Variants in THSD7A observed in about 807,000 individuals in gnomAD.
THSD7A encodes thrombospondin type 1 domain containing 7A.
In THSD7A, 96 loss-of-function variants were observed where a neutral mutation model predicts 231.3. The observed-to-expected ratio is 0.41, with a 90% CI of 0.35 to 0.49. The LOEUF (loss-of-function observed/expected upper bound fraction) is 0.49. Ranked by LOEUF, THSD7A falls within the 20% of genes least tolerant of loss-of-function variation. The pLI, the probability that THSD7A is intolerant of heterozygous loss-of-function variation, is 0.05. For missense variants in THSD7A, 2,290 were observed against 2,070.2 expected, an observed-to-expected ratio of 1.11 and a Z score of -2.06; for synonymous variants, 940 against 743.3, an observed-to-expected ratio of 1.26 and a Z score of -4.30.
At chr7:11,600,552 A>C (rs1780514858) in intron 2 of THSD7A, among the ~76,000 whole-genome samples, 1 of 152,190 alleles carries the variant, frequency 6.6e-6, no homozygotes. Flanking sequence ...TTGGTGGTAC[A>C]TATACTTTGA....
In THSD7A at chr7:11,832,183, C is replaced by T; in HGVS notation, c.-237G>A. ...TCTGGCGGGGATGCTGCTGCCGCTG[C>T]CATTCCTCGCAGAATGGCAGGTCCC... On this transcript the variant is annotated 5_prime_UTR_variant, in exon 1 of 28. Coordinates refer to ENST00000423059, the MANE Select transcript of THSD7A (RefSeq NM_015204.3). 3.3e-6 allele frequency: 1 copy of T among 304,564 alleles called. No homozygotes were observed. The highest frequency in any genetic ancestry group is 5.9e-6 in the Non-Finnish European group (1 of 168,190). The allele number at this position is 304,564 out of a possible 1,614,324, so 18.9% of individuals were successfully genotyped here.
chr7:11,752,809 C>T (rs1782544786), intron 1 of THSD7A, among the ~76,000 whole-genome samples: 1 of 151,818 alleles, frequency 6.6e-6, no homozygotes, highest in African/African-American at 2.4e-5. Context: ...GCCTGTAGTC[C>T]CAGCTACTCA....
intron 1 of THSD7A, among the ~76,000 whole-genome samples, chr7:11,742,553 T>G (rs1209013922): frequency 6.6e-6 from 1 of 151,928 alleles, no homozygotes; most frequent in South Asian, 2.1e-4. Flanking sequence ...GTCTAATTGA[T>G]GAAGTGCTCA....
At chr7:11,744,599 C>G (rs573657272) in intron 1 of THSD7A, among the ~76,000 whole-genome samples, 1 of 117,892 alleles carries the variant, frequency 8.5e-6, no homozygotes, top group African/African-American at 3.2e-5. Flanking sequence ...CCCCTCCCCC[C>G]ACCCCACAAC....
chr7:11,428,508 A>G (rs186825069), intron 14 of THSD7A, among the ~76,000 whole-genome samples: 3 of 152,290 alleles, frequency 2.0e-5, no homozygotes, highest in East Asian at 3.9e-4. Flanking sequence ...ACATTTAAAT[A>G]AACAGTATAT....
chr7:11,572,678 A>T (rs1356086980), intron 4 of THSD7A, among the ~76,000 whole-genome samples: 2 of 146,990 alleles, frequency 1.4e-5, no homozygotes, highest in East Asian at 2.0e-4. Flanking sequence ...CAGCAAATTA[A>T]TTTTTTTTTT....
intron 4 of THSD7A, among the ~76,000 whole-genome samples, chr7:11,569,153 A>C (rs1790514465): frequency 6.6e-6 from 1 of 152,206 alleles, no homozygotes; most frequent in African/African-American, 2.4e-5. Context: ...TTAAGACTTC[A>C]AAAGCACAGG....
At chr7:11,454,476 C>T (rs970041568) in intron 11 of THSD7A, among the ~76,000 whole-genome samples, 13 of 151,766 alleles carry the variant, frequency 8.6e-5, no homozygotes, top group African/African-American at 2.4e-4. Flanking sequence ...TGTTCCTAAA[C>T]ATAAAGATTT....
intron 1 of THSD7A, among the ~76,000 whole-genome samples, chr7:11,788,582 T>A (rs1783858687): frequency 6.6e-6 from 1 of 152,088 alleles, no homozygotes; most frequent in African/African-American, 2.4e-5. Flanking sequence ...TAAACAGTTA[T>A]TTAAATGCAG....
chr7:11,581,108 G>A (rs919465868), intron 4 of THSD7A, among the ~76,000 whole-genome samples: 1 of 152,010 alleles, frequency 6.6e-6, no homozygotes, highest in Non-Finnish European at 1.5e-5. Context: ...ATCCTTGCAA[G>A]TGTGTGTTCC....
chr7:11,761,843 C>T (rs756132720), intron 1 of THSD7A, among the ~76,000 whole-genome samples: 18 of 151,896 alleles, frequency 1.2e-4, no homozygotes, highest in Non-Finnish European at 1.5e-4. Context: ...TCCTAGAGAA[C>T]CTATCACCCA....
chr7:11,677,584 CAAAAAAAAAAAAAAA>C (rs553030554), intron 1 of THSD7A, among the ~76,000 whole-genome samples: 5 of 22,274 alleles, frequency 2.2e-4, no homozygotes, highest in South Asian at 3.0e-3. Flanking sequence ...AAATGGAAAG[CAAAAAAAAAAAAAAA>C]AAAAAAAAAA....
At chr7:11,495,393 G>C (rs1302510174) in intron 6 of THSD7A, among the ~76,000 whole-genome samples, 2 of 151,976 alleles carry the variant, frequency 1.3e-5, no homozygotes, top group Non-Finnish European at 2.9e-5. Flanking sequence ...AGCAAATAAA[G>C]AAAGAAGAGA....
chr7:11,512,097 A>C (rs1054134029), intron 6 of THSD7A, among the ~76,000 whole-genome samples: 3 of 152,216 alleles, frequency 2.0e-5, no homozygotes, highest in Admixed American at 6.5e-5. Context: ...AGAAAAAATC[A>C]AACAACCCCA....
intron 1 of THSD7A, among the ~76,000 whole-genome samples, chr7:11,675,639 A>C (rs1409015360): frequency 7.9e-5 from 12 of 152,320 alleles, no homozygotes; most frequent in Non-Finnish European, 1.8e-4. Context: ...AGTGTAAAAA[A>C]AGCAGCCAGG....
intron 6 of THSD7A, among the ~76,000 whole-genome samples, chr7:11,503,031 C>T (rs1787400264): frequency 6.6e-6 from 1 of 152,056 alleles, no homozygotes; most frequent in South Asian, 2.1e-4. Flanking sequence ...AAGAAGAAAG[C>T]TGAGGGCATC....
Position 11,490,157 on chromosome 7 carries a change from C to T in THSD7A, c.1823-8175G>A, listed in dbSNP as rs147478968. On this transcript the variant is annotated intron_variant, in intron 6 of 27. Coordinates refer to ENST00000423059, the MANE Select transcript of THSD7A (RefSeq NM_015204.3). ...GGGGTAAAAGGCTGTCTTCCTTCTT[C>T]TGATAGCACCCACTTTCCAGCCCAG... 5.3e-5 allele frequency among the ~76,000 whole-genome samples: 8 copies of T among 152,136 alleles called. No individual in the cohort carries two copies. In the East Asian group the frequency reaches 1.5e-3, roughly 29 times the overall value.
chr7:11,515,800 T>C (rs1320091998), intron 6 of THSD7A, among the ~76,000 whole-genome samples: 2 of 152,142 alleles, frequency 1.3e-5, no homozygotes, highest in African/African-American at 4.8e-5. Context: ...ATACATAATA[T>C]CTTGGTTGTA....
At chr7:11,685,822 A>G (rs1780030014) in intron 1 of THSD7A, among the ~76,000 whole-genome samples, 1 of 151,990 alleles carries the variant, frequency 6.6e-6, no homozygotes, top group East Asian at 1.9e-4. Flanking sequence ...TTTCTCAAAG[A>G]ACTAAAAATA....
Sources: allele counts gnomAD v4.1 joint callset (sites outside exome capture counted in the v4.1 genomes callset), GRCh38; gene constraint gnomAD v4.1.1; transcripts MANE v1.5; gene names NCBI Gene and HGNC (gene_info 2026-07-23, HGNC 2026-07-21).